The following PSMG2 variants were observed in gnomAD, a reference collection of about 807,000 sequenced individuals.
PSMG2 encodes proteasome assembly chaperone 2.
PSMG2 carries 21 observed loss-of-function variants against 31.5 expected under a neutral mutation model. The ratio of observed to expected loss-of-function variants is 0.67; its 90% CI spans 0.47 to 0.96. The LOEUF (loss-of-function observed/expected upper bound fraction) is 0.96, where lower values mean the gene tolerates loss of function less well. PSMG2 is among the 40% of genes least tolerant of loss of function. PSMG2 has a pLI of 0.00. For missense variants in PSMG2, 318 were observed against 321.2 expected (o/e 0.99, Z 0.08); for synonymous variants, 120 against 110.4 (o/e 1.09, Z -0.54).
Position 12,718,705 on chromosome 18 carries a change from T to TA in PSMG2, c.407+73dup. The TA allele has an allele frequency of 6.6e-6, 8 of 1,210,332 alleles. No individual in the cohort carries two copies. The South Asian group carries it at 1.4e-4, about 21-fold the overall frequency. The allele number at this position is 1,210,332 out of a possible 1,614,324, so 75.0% of individuals were successfully genotyped here. A position where few individuals can be genotyped will look rare whatever the true frequency, so the allele number is the denominator to read the frequency against. ...TATGATAATTTCTCTATTAAAAAGT[T>TA]AAACTTTAAAAGCCACGTAGATCCT... On this transcript the variant is annotated intron_variant, in intron 4 of 6. Coordinates refer to ENST00000317615, the MANE Select transcript of PSMG2 (RefSeq NM_020232.5).
chr18:12,673,517 A>C (rs1485291503), intron 1 of PSMG2: 4 of 1,554,692 alleles, frequency 2.6e-6, no homozygotes, highest in Non-Finnish European at 3.5e-6. Flanking sequence ...TTTAAGAAAA[A>C]AAAAATTATT....
chr18:12,708,657 C>T (rs2040294285), intron 2 of PSMG2, among the ~76,000 whole-genome samples: 1 of 150,680 alleles, frequency 6.6e-6, no homozygotes, highest in Non-Finnish European at 1.5e-5. Context: ...AGCCGCTGCG[C>T]CCAGCGGCGT....
At chr18:12,660,397 C>A (rs770952658) in intron 1 of PSMG2, among the ~76,000 whole-genome samples, 1 of 151,406 alleles carries the variant, frequency 6.6e-6, no homozygotes, top group African/African-American at 2.4e-5. Context: ...TTTCAGCTCA[C>A]TGCAACTTCC....
chr18:12,700,892 A>G (rs540879758), upstream of PSMG2: 18 of 1,338,780 alleles, frequency 1.3e-5, no homozygotes, highest in East Asian at 4.6e-5. Context: ...TCGGAACCTT[A>G]TAAGTAGTGT....
intron 1 of PSMG2, among the ~76,000 whole-genome samples, chr18:12,660,258 T>C (rs991288244): frequency 6.6e-6 from 1 of 151,986 alleles, no homozygotes; most frequent in Non-Finnish European, 1.5e-5. Flanking sequence ...ATCCAAACTT[T>C]ATCTTTTAAA....
intron 2 of PSMG2, among the ~76,000 whole-genome samples, chr18:12,710,504 C>G (rs1390335608): frequency 6.6e-6 from 1 of 152,116 alleles, no homozygotes; most frequent in African/African-American, 2.4e-5. Context: ...TTGTGCTGTG[C>G]CCTTGAAATC....
At chr18:12,668,597 CAAAAAAAAAAAAAAAAAAAAAA>C (rs752216074) in intron 1 of PSMG2, among the ~76,000 whole-genome samples, 1 of 72,836 alleles carries the variant, frequency 1.4e-5, no homozygotes, top group South Asian at 7.6e-4. Flanking sequence ...GATTCCATCT[CAAAAAAAAAAAAAAAAAAAAAA>C]AAAAAAAAAA....
At chr18:12,675,663 ATTTTT>A (rs1476770681) in intron 1 of PSMG2, among the ~76,000 whole-genome samples, 1 of 151,604 alleles carries the variant, frequency 6.6e-6, no homozygotes, top group Non-Finnish European at 1.5e-5. Context: ...GATTCCATTT[ATTTTT>A]TATTTTTTTA....
intron 3 of PSMG2, 64 bp downstream of exon 3, chr18:12,712,824 G>A: frequency 3.1e-6 from 4 of 1,282,470 alleles, no homozygotes; most frequent in South Asian, 1.3e-5. Context: ...GTAACATTAG[G>A]GATTAAGATT....
At chr18:12,689,414 A>G (rs1039474330) in intron 1 of PSMG2, among the ~76,000 whole-genome samples, 4 of 152,202 alleles carry the variant, frequency 2.6e-5, no homozygotes, top group African/African-American at 9.6e-5. Flanking sequence ...GCCATGACTG[A>G]GTTGCTGTTT....
At chr18:12,702,246 C>T (rs1202898253), upstream of PSMG2, among the ~76,000 whole-genome samples, 1 of 152,252 alleles carries the variant, frequency 6.6e-6, no homozygotes, top group Non-Finnish European at 1.5e-5. Flanking sequence ...CCTAAAACGC[C>T]AAGACCGCTC....
chr18:12,720,670 C>G lies in PSMG2; in HGVS notation c.568C>G (p.Leu190Val), dbSNP rs752324211. 6.2e-7 allele frequency: 1 copy of G among 1,607,674 alleles called. No homozygotes were observed. Among genetic ancestry groups the G allele is most frequent in the East Asian group, 2.2e-5 (1 of 44,856 alleles). Residue 190 changes from leucine (L) to valine (V), a missense_variant, in exon 5 of 7, where the codon CTC becomes GTC. Leu to Val is a conservative substitution (Grantham distance 32, BLOSUM62 1). Coordinates refer to ENST00000317615, the MANE Select transcript of PSMG2 (RefSeq NM_020232.5). ...RIPGGGITKT[L>V]YDESCSKEIQ... ...TCCGGGAGGAGGTATCACAAAAACACTCTATGATGAAAGGTGAGTTTGTTT... is the reference window on the plus strand; with the variant it reads ...TCCGGGAGGAGGTATCACAAAAACAGTCTATGATGAAAGGTGAGTTTGTTT...
At chr18:12,701,181 A>AGGG, upstream of PSMG2, 1 of 1,200,780 alleles carries the variant, frequency 8.3e-7, no homozygotes, top group South Asian at 1.4e-5. Context: ...CTGAAGTTTT[A>AGGG]AGGTTCTCCA....
chr18:12,669,403 C>T (rs564052294), intron 1 of PSMG2, among the ~76,000 whole-genome samples: 7 of 152,026 alleles, frequency 4.6e-5, no homozygotes, highest in Admixed American at 2.0e-4. Context: ...TGAGCCACCG[C>T]GCCTGGCCCC....
At chr18:12,708,775 G>T (rs1357952702) in intron 2 of PSMG2, among the ~76,000 whole-genome samples, 5 of 130,352 alleles carry the variant, frequency 3.8e-5, no homozygotes, top group Non-Finnish European at 6.3e-5. Flanking sequence ...GCACAATCTC[G>T]GCTCACTGCC....
intron 1 of PSMG2, among the ~76,000 whole-genome samples, chr18:12,667,408 G>A (rs1464270946): frequency 1.3e-5 from 2 of 152,100 alleles, no homozygotes; most frequent in African/African-American, 2.4e-5. Flanking sequence ...AGTGAGCTAT[G>A]ATCACACCAC....
chr18:12,702,985 C>T, upstream of PSMG2: 1 of 1,130,982 alleles, frequency 8.8e-7, no homozygotes, highest in Non-Finnish European at 1.2e-6. Flanking sequence ...GGGCCCGGCG[C>T]CCAGGGACTC....
chr18:12,675,971 T>A (rs990544624), intron 1 of PSMG2, among the ~76,000 whole-genome samples: 1 of 152,034 alleles, frequency 6.6e-6, no homozygotes, highest in Non-Finnish European at 1.5e-5. Context: ...GCCCAGCCCA[T>A]GATTCCATTT....
chr18:12,659,585 G>A (rs912086392), intron 1 of PSMG2, among the ~76,000 whole-genome samples: 1 of 152,030 alleles, frequency 6.6e-6, no homozygotes, highest in Admixed American at 6.6e-5. Context: ...CAGGAGAATC[G>A]CTTGAACCTG....
Sources: allele counts gnomAD v4.1 joint callset (sites outside exome capture counted in the v4.1 genomes callset), GRCh38; gene constraint gnomAD v4.1.1; transcripts MANE v1.5; gene names NCBI Gene and HGNC (gene_info 2026-07-23, HGNC 2026-07-21).